RBFOX1: variants seen among roughly 807,000 people sequenced by gnomAD.
RBFOX1 encodes the protein RNA binding protein fox-1 homolog 1.
A neutral mutation model predicts 57.7 loss-of-function variants in RBFOX1; 8 were observed. The ratio of observed to expected loss-of-function variants is 0.14; its 90% CI spans 0.08 to 0.25. RBFOX1 has a LOEUF of 0.25. Ranked by LOEUF, RBFOX1 falls within the 10% of genes least tolerant of loss-of-function variation. The pLI is 1.00. For missense variants in RBFOX1, 611 were observed against 548.5 expected, an observed-to-expected ratio of 1.11 and a Z score of -1.14; for synonymous variants, 326 against 222.4, an observed-to-expected ratio of 1.47 and a Z score of -4.15.
chr16:7,325,592 C>T (rs1224035470), intron 4 of RBFOX1, among the ~76,000 whole-genome samples: 1 of 152,182 alleles, frequency 6.6e-6, no homozygotes, highest in African/African-American at 2.4e-5. Flanking sequence ...GACTTCTCTT[C>T]TCCGGGTGTC....
At chr16:5,350,428 AG>A (rs1172228159) in intron 1 of RBFOX1, among the ~76,000 whole-genome samples, 1 of 152,080 alleles carries the variant, frequency 6.6e-6, no homozygotes, top group East Asian at 1.9e-4. Context: ...ATGGGAGGTG[AG>A]GTGTCCCTAG....
At chr16:6,874,777 G>A (rs1267189922) in intron 3 of RBFOX1, among the ~76,000 whole-genome samples, 1 of 152,092 alleles carries the variant, frequency 6.6e-6, no homozygotes. Flanking sequence ...GACTTGAGGG[G>A]AAGGGTGGGA....
intron 3 of RBFOX1, among the ~76,000 whole-genome samples, chr16:6,848,855 C>T (rs564745375): frequency 7.6e-4 from 116 of 152,274 alleles, no homozygotes; most frequent in South Asian, 4.6e-3. Context: ...GACCCAAATT[C>T]ACTGATTGTA....
intron 3 of RBFOX1, among the ~76,000 whole-genome samples, chr16:5,656,952 G>A (rs117900823): frequency 0.016 from 2,512 of 152,248 alleles, 33 homozygotes; most frequent in South Asian, 0.036. Flanking sequence ...AGCAAGGGGA[G>A]GGAGAACGTT....
intron 2 of RBFOX1, chr16:6,573,666 G>C (rs1217172953): frequency 6.6e-6 from 1 of 152,256 alleles, no homozygotes; most frequent in Non-Finnish European, 1.5e-5. Context: ...GCACGGGGCT[G>C]CTGTCTGCTG....
At chr16:5,772,382 C>G (rs2054009919) in intron 3 of RBFOX1, among the ~76,000 whole-genome samples, 1 of 152,266 alleles carries the variant, frequency 6.6e-6, no homozygotes, top group South Asian at 2.1e-4. Context: ...AGCTCCACTT[C>G]TAACCCACTG....
chr16:6,231,231 T>TA (rs1385472279), intron 1 of RBFOX1, among the ~76,000 whole-genome samples: 1 of 89,404 alleles, frequency 1.1e-5, no homozygotes, highest in Non-Finnish European at 2.5e-5. Context: ...TGTGTGTGTG[T>TA]GTGTGTAGGT....
chr16:5,604,851 C>T (rs182516926), downstream of RBFOX1, among the ~76,000 whole-genome samples: 2 of 152,310 alleles, frequency 1.3e-5, no homozygotes, highest in African/African-American at 4.8e-5. Context: ...ATCCCCTAGT[C>T]ATCTGGACGT....
At chr16:7,192,279 T>G (rs746745922) in intron 4 of RBFOX1, among the ~76,000 whole-genome samples, 2 of 152,200 alleles carry the variant, frequency 1.3e-5, no homozygotes, top group Non-Finnish European at 2.9e-5. Flanking sequence ...AGAGAGAGTT[T>G]CCTTGTGAAT....
chr16:5,467,817 C>T (rs1037234751), intron 2 of RBFOX1, among the ~76,000 whole-genome samples: 13 of 152,100 alleles, frequency 8.5e-5, no homozygotes, highest in Admixed American at 2.0e-4. Context: ...ATTTCCTCCA[C>T]GATGTTGTAT....
intron 1 of RBFOX1, among the ~76,000 whole-genome samples, chr16:6,029,256 C>G (rs369304538): frequency 1.3e-5 from 2 of 152,096 alleles, no homozygotes; most frequent in South Asian, 4.1e-4. Context: ...CTGTGTAAAC[C>G]TAAAATAATC....
intron 4 of RBFOX1, among the ~76,000 whole-genome samples, chr16:7,262,771 A>G (rs1270779526): frequency 6.6e-6 from 1 of 152,268 alleles, no homozygotes; most frequent in East Asian, 1.9e-4. Context: ...AGTTACTGCA[A>G]AGGCAGTTGT....
chr16:6,086,044 G>T (rs1422724870), intron 1 of RBFOX1, among the ~76,000 whole-genome samples: 2 of 151,960 alleles, frequency 1.3e-5, no homozygotes, highest in African/African-American at 4.8e-5. Context: ...TCATTGTTCA[G>T]CTACTACTTA....
At position 7,079,915 on chromosome 16, in the gene RBFOX1, G is replaced by A. The variant is rs1294569985; in HGVS notation, c.27+27817G>A. 2.6e-5 allele frequency among the ~76,000 whole-genome samples: 4 copies of A among 151,712 alleles called. No individual in the cohort carries two copies. In the East Asian group the frequency reaches 7.7e-4, roughly 29 times the overall value. Reference sequence around the variant, plus strand: ...ATAAGAAAAAGTTCTGTGGGTGGATGGTGGTGATGGTTGCCCAACAATGTG... The same window carrying A: ...ATAAGAAAAAGTTCTGTGGGTGGATAGTGGTGATGGTTGCCCAACAATGTG... On this transcript the variant is annotated intron_variant, in intron 4 of 15. Transcript: ENST00000550418.
intron 4 of RBFOX1, among the ~76,000 whole-genome samples, chr16:7,243,417 G>T (rs1353111109): frequency 6.6e-6 from 1 of 152,194 alleles, no homozygotes; most frequent in African/African-American, 2.4e-5. Flanking sequence ...AGATGTGGAA[G>T]AAAGGCATAT....
intron 4 of RBFOX1, among the ~76,000 whole-genome samples, chr16:7,065,407 C>A (rs533738620): frequency 6.6e-6 from 1 of 152,150 alleles, no homozygotes; most frequent in Non-Finnish European, 1.5e-5. Context: ...TCTCCAAGCA[C>A]CCTGCCTCGT....
intron 3 of RBFOX1, among the ~76,000 whole-genome samples, chr16:6,761,532 G>C (rs1282200461): frequency 5.4e-5 from 2 of 37,284 alleles, no homozygotes; most frequent in Non-Finnish European, 1.2e-4. Context: ...TTTTGAGACA[G>C]AGTCTTGCTC....
intron 3 of RBFOX1, among the ~76,000 whole-genome samples, chr16:6,967,248 ATCTG>A (rs776989706): frequency 5.1e-4 from 77 of 152,100 alleles, no homozygotes; most frequent in Middle Eastern, 3.4e-3. Flanking sequence ...TTCATCTACC[ATCTG>A]TCTGTCTGTA....
chr16:6,402,997 G>C (rs555830853), intron 2 of RBFOX1, among the ~76,000 whole-genome samples: 5 of 152,034 alleles, frequency 3.3e-5, no homozygotes, highest in Admixed American at 3.3e-4. Context: ...AGTTTTTTCT[G>C]TTTATTGTTT....
Sources: gnomAD v4.1 joint callset for allele counts (sites outside exome capture counted in the v4.1 genomes callset) on GRCh38, gnomAD v4.1.1 for gene constraint, MANE v1.5 for transcripts, NCBI Gene and HGNC (gene_info 2026-07-23, HGNC 2026-07-21) for gene names.